The following MCRS1 variants were observed in gnomAD, a reference collection of about 807,000 sequenced individuals.
MCRS1 encodes microspherule protein 1, also known as 58 kDa microspherule protein.
A neutral mutation model predicts 62.9 loss-of-function variants in MCRS1; 22 were observed. The ratio of observed to expected loss-of-function variants is 0.35; its 90% CI spans 0.25 to 0.50. The LOEUF is 0.50. Ranked by LOEUF, MCRS1 falls within the 20% of genes least tolerant of loss-of-function variation. The pLI is 0.98. For synonymous variants in MCRS1, 244 were observed against 233.5 expected, an observed-to-expected ratio of 1.04 and a Z score of -0.41; for missense variants, 456 against 601.1, an observed-to-expected ratio of 0.76 and a Z score of 2.52.
intron 1 of MCRS1, 138 bp from the exon 2 acceptor site, chr12:49,566,979 C>CT: frequency 1.8e-6 from 1 of 569,366 alleles, no homozygotes; most frequent in South Asian, 2.0e-5. Flanking sequence ...AGGCCCCACT[C>CT]TGCCAATAAT....
chr12:49,563,184 C>T, intron 7 of MCRS1, 45 bp from the exon 8 acceptor site: 1 of 1,537,256 alleles, frequency 6.5e-7, no homozygotes, highest in Non-Finnish European at 8.7e-7. Flanking sequence ...CTTTTTCACA[C>T]ATGCCTCTCT....
rs768134089 is a variant in MCRS1 at position 49,564,545 on chromosome 12, G to A, written c.493C>T (p.Arg165Cys). ...TCCTGGACCTCCCGAAGGGTGAAGC[G>A]GCAGCTGAATTTCACGCCCAGGTGG... Reference protein sequence around the residue: ...SVHLGVKFSCRFTLREVQERW... With the variant: ...SVHLGVKFSCCFTLREVQERW... The change falls in exon 6 of 15, where the codon CGC becomes TGC. Residue 165 changes from arginine (R) to cysteine (C), a missense_variant. By Grantham distance (180) the Arg-to-Cys change is radical (BLOSUM62 -3). Coordinates refer to ENST00000343810, the MANE Select transcript of MCRS1 (RefSeq NM_006337.5). 7.4e-6 allele frequency: 12 copies of A among 1,612,644 alleles called. No homozygotes were observed. The highest frequency in any genetic ancestry group is 2.7e-5 in the African/African-American group (2 of 74,886).
At chr12:49,560,467 T>C in intron 8 of MCRS1, 97 bp from the exon 9 acceptor site, 1 of 1,110,960 alleles carries the variant, frequency 9.0e-7, no homozygotes, top group East Asian at 2.4e-5. Flanking sequence ...CAGACTGCGC[T>C]GGGTGGAGAG....
chr12:49,563,066 G>A lies in MCRS1; in HGVS notation c.740C>T (p.Thr247Ile). Residue 247 changes from threonine (T) to isoleucine (I), a missense_variant, in exon 8 of 15, where the codon ACC becomes ATC. Physicochemically the swap from Thr to Ile is moderately conservative, Grantham distance 89. This residue lies in a region of MCRS1 where 393 missense variants were observed against 523.5 expected (regional missense o/e 0.75). Transcript: ENST00000343810. ...RHPDAFYLAR[T>I]AKALQAHWQL... ...CCAGTGGGCCTGCAGGGCCTTCGCG[G>A]TACGGGCCAGGTAGAAGGCATCAGG... The A allele has an allele frequency of 6.3e-7, 1 of 1,577,352 alleles. No individual in the cohort carries two copies. The highest frequency in any genetic ancestry group is 8.6e-7 in the Non-Finnish European group (1 of 1,159,468).
At chr12:49,560,722 T>C (rs138280831) in intron 8 of MCRS1, among the ~76,000 whole-genome samples, 1 of 152,188 alleles carries the variant, frequency 6.6e-6, no homozygotes, top group South Asian at 2.1e-4. Flanking sequence ...GGTTAAACTA[T>C]GTGACCCTAG....
In MCRS1 at chr12:49,566,676, T is replaced by C. The variant is rs759606496; in HGVS notation, c.10+46A>G. 8.1e-6 allele frequency: 13 copies of C among 1,613,478 alleles called. 1 individual carries two copies. The South Asian group carries it at 1.2e-4, about 15-fold the overall frequency. On this transcript the variant is annotated intron_variant, in intron 2 of 14. Coordinates refer to ENST00000343810, the MANE Select transcript of MCRS1 (RefSeq NM_006337.5). The stretch of plus-strand genomic sequence containing the variant: ...CCAGGCACAGAGTGGAATCAGCAGA[T>C]GCTTGGCGCCCGAGCATTTGGGGAG...
At position 49,560,352 on chromosome 12, in the gene MCRS1, C is replaced by G; in HGVS notation, c.824G>C (p.Gly275Ala). ...EDQTVQPLPK[G>A]DQVLNFSDAE... The stretch of plus-strand genomic sequence containing the variant: ...ATCAGAGAAGTTCAGCACTTGGTCC[C>G]CTTTGGGCAGCGGCTGCACTGAACA... Residue 275 changes from glycine (G) to alanine (A), a missense_variant, in exon 9 of 15, where the codon GGG (glycine) becomes GCG (alanine). This residue lies in a region of MCRS1 where 393 missense variants were observed against 523.5 expected (regional missense o/e 0.75). Coordinates refer to ENST00000343810, the MANE Select transcript of MCRS1 (RefSeq NM_006337.5). The G allele has an allele frequency of 2.5e-6, 4 of 1,614,226 alleles. No homozygotes were observed. The highest frequency in any genetic ancestry group is 3.4e-6 in the Non-Finnish European group (4 of 1,180,030).
chr12:49,567,371 C>T (rs1166277122), intron 1 of MCRS1, among the ~76,000 whole-genome samples: 1 of 151,438 alleles, frequency 6.6e-6, no homozygotes, highest in Non-Finnish European at 1.5e-5. Flanking sequence ...CTCGTGGAAA[C>T]CAAAAACCAC....
At chr12:49,564,087 C>A (rs1355594773) in intron 6 of MCRS1, among the ~76,000 whole-genome samples, 1 of 152,148 alleles carries the variant, frequency 6.6e-6, no homozygotes, top group African/African-American at 2.4e-5. Context: ...GCTTGGTGTT[C>A]TTCTATTCGA....
chr12:49,558,651 G>A lies in MCRS1; in HGVS notation c.1381C>T (p.Pro461Ser), dbSNP rs200903064. Residue 461 changes from proline (P) to serine (S), a missense_variant, in exon 15 of 15, where the codon CCA (proline) becomes TCA (serine). Transcript: ENST00000343810. ...LIRAEAAKIT[P>S]Q ...AGTCCTGCCACCACTCCTCACTGTGGTGTGATCTTGGCAGCCTCAGCCCTG... is the reference window on the plus strand; with the variant it reads ...AGTCCTGCCACCACTCCTCACTGTGATGTGATCTTGGCAGCCTCAGCCCTG... The A allele has an allele frequency of 4.0e-5, 64 of 1,613,236 alleles. No individual in the cohort carries two copies. Among genetic ancestry groups the A allele is most frequent in the Middle Eastern group, 1.7e-4 (1 of 5,974 alleles).
chr12:49,564,960 TA>T, intron 4 of MCRS1, 65 bp from the exon 5 acceptor site: 1 of 1,509,924 alleles, frequency 6.6e-7, no homozygotes, highest in African/African-American at 1.4e-5. Context: ...GCTTCATGAC[TA>T]GAGTTTCACA....
At position 49,563,166 on chromosome 12, in the gene MCRS1, C is replaced by A. The variant is rs1440431874; in HGVS notation, c.667-27G>T. On this transcript the variant is annotated intron_variant, in intron 7 of 14. Coordinates refer to ENST00000343810, the MANE Select transcript of MCRS1 (RefSeq NM_006337.5). ...TAGAGGGCAAGAAACATTCTCTAGG[C>A]ATCTGGGCTTTTTCACACATGCCTC... 4 of 1,548,060 alleles carry A rather than the reference C, an allele frequency of 2.6e-6. No homozygotes were observed. The South Asian group carries it at 3.6e-5, about 14-fold the overall frequency.
intron 6 of MCRS1, 56 bp downstream of exon 6, chr12:49,564,425 G>T: frequency 6.8e-7 from 1 of 1,462,334 alleles, no homozygotes. Flanking sequence ...TCTGCTCCAG[G>T]ACCCAAATTC....
At position 49,566,813 on chromosome 12, in the gene MCRS1, C is replaced by T; in HGVS notation, c.-82G>A. On this transcript the variant is annotated 5_prime_UTR_variant, in exon 2 of 15. The change creates a premature stop within an existing upstream ORF in the 5' untranslated region. Coordinates refer to ENST00000343810, the MANE Select transcript of MCRS1 (RefSeq NM_006337.5). The stretch of plus-strand genomic sequence containing the variant: ...CACAGGCTCATCCAAGGATTCTGAC[C>T]AGGTGAGCTTAAAGGCTGAGAGGAG... 6.4e-7 allele frequency: 1 copy of T among 1,562,216 alleles called. No individual in the cohort carries two copies. The highest frequency in any genetic ancestry group is 8.7e-7 in the Non-Finnish European group (1 of 1,143,492).
At chr12:49,566,025 G>C (rs765226947) in intron 3 of MCRS1, 52 bp downstream of exon 3, 1 of 1,575,938 alleles carries the variant, frequency 6.3e-7, no homozygotes. Flanking sequence ...GGCACTTAAC[G>C]CCACAGACCT....
intron 3 of MCRS1, 27 bp from the exon 4 acceptor site, chr12:49,565,694 C>T: frequency 6.2e-7 from 1 of 1,614,090 alleles, no homozygotes; most frequent in Non-Finnish European, 8.5e-7. Flanking sequence ...CCAGTGAACA[C>T]TCCTTACCCC....
intron 9 of MCRS1, 26 bp downstream of exon 9, chr12:49,560,269 C>A (rs1387745574): frequency 6.2e-7 from 1 of 1,610,018 alleles, no homozygotes; most frequent in Admixed American, 1.7e-5. Flanking sequence ...CTCTCTCCAC[C>A]CCTTCCTGTG....
In MCRS1 at chr12:49,564,837, G is replaced by C. The variant is rs754686958; in HGVS notation, c.347C>G (p.Thr116Ser). The change falls in exon 5 of 15, where the codon ACC (threonine) becomes AGC (serine). Residue 116 changes from threonine to serine, a missense_variant. By Grantham distance (58) the Thr-to-Ser change is moderately conservative. Around this residue, in one of 3 missense-constraint regions of MCRS1, gnomAD observed 393 missense variants for 523.5 expected, o/e 0.75. Transcript: ENST00000343810. ...PPSPAPAPGL[T>S]KRVKKSKQPL... Reference sequence around the variant, plus strand: ...CTGTTTACTCTTCTTCACACGCTTGGTGAGTCCAGGGGCTGGGGCTGGGCT... The same window carrying C: ...CTGTTTACTCTTCTTCACACGCTTGCTGAGTCCAGGGGCTGGGGCTGGGCT... 3.1e-6 allele frequency: 5 copies of C among 1,614,056 alleles called. No homozygotes were observed. The highest frequency in any genetic ancestry group is 3.3e-4 in the Middle Eastern group (2 of 6,056).
Position 49,559,434 on chromosome 12 carries a change from G to GATC in MCRS1, c.1086+18_1086+19insGAT. On this transcript the variant is annotated intron_variant, in intron 12 of 14. Transcript: ENST00000343810. This position sits in a 1 kb window ranked among gnomAD's most constrained non-coding sequence, Gnocchi z 5.2. ...ACAGAGGAAGCAGCCTAAGAAGGGCGGGGATGGGCCTGCCTCACCTCACGC... is the reference window on the plus strand; with the variant it reads ...ACAGAGGAAGCAGCCTAAGAAGGGCGATCGGGATGGGCCTGCCTCACCTCACGC... 6.2e-7 allele frequency: 1 copy of GATC among 1,613,828 alleles called. No individual in the cohort carries two copies. The highest frequency in any genetic ancestry group is 8.5e-7 in the Non-Finnish European group (1 of 1,179,892).
Sources: allele counts gnomAD v4.1 joint callset (sites outside exome capture counted in the v4.1 genomes callset), GRCh38; gene constraint gnomAD v4.1.1; regional missense constraint gnomAD v4.1.1; non-coding constraint Gnocchi (gnomAD v3.1); transcripts MANE v1.5; gene names NCBI Gene and HGNC (gene_info 2026-07-23, HGNC 2026-07-21).